Variants in TIGAR observed in about 807,000 individuals in gnomAD.
TIGAR encodes the protein TP53 induced glycolysis regulatory phosphatase, also known as fructose-2,6-bisphosphatase TIGAR.
TIGAR carries 7 observed loss-of-function variants against 17.9 expected under a neutral mutation model. That is an observed-to-expected ratio of 0.39 (90% CI 0.22 to 0.73). TIGAR has a LOEUF of 0.73. Among genes scored for constraint, TIGAR ranks in the 30% least tolerant of loss-of-function variants. The pLI, the probability that TIGAR is intolerant of heterozygous loss-of-function variation, is 0.42. For missense variants in TIGAR, 258 were observed against 327.4 expected (o/e 0.79, Z 1.64); for synonymous variants, 94 against 108.6 (o/e 0.87, Z 0.84).
At chr12:4,327,814 C>A (rs1864562946) in intron 1 of TIGAR, among the ~76,000 whole-genome samples, 1 of 151,956 alleles carries the variant, frequency 6.6e-6, no homozygotes, top group African/African-American at 2.4e-5. Context: ...ACTACAGGCA[C>A]ACACCACCAC....
chr12:4,333,450 T>C (rs1426677557), intron 2 of TIGAR, among the ~76,000 whole-genome samples: 2 of 151,382 alleles, frequency 1.3e-5, no homozygotes, highest in African/African-American at 4.9e-5. Context: ...GCACCACACC[T>C]GGCTCATTTT....
At chr12:4,348,027 T>G (rs954332587) in intron 3 of TIGAR, among the ~76,000 whole-genome samples, 1 of 152,016 alleles carries the variant, frequency 6.6e-6, no homozygotes, top group Non-Finnish European at 1.5e-5. Flanking sequence ...TCCCAGCTAC[T>G]TGGGAGGCTG....
chr12:4,350,776 CAAA>C (rs745374518), intron 4 of TIGAR, among the ~76,000 whole-genome samples: 13 of 89,224 alleles, frequency 1.5e-4, no homozygotes, highest in Admixed American at 8.6e-4. Flanking sequence ...GATTCCGTCT[CAAA>C]AAAAAAAAAA....
intron 2 of TIGAR, among the ~76,000 whole-genome samples, chr12:4,332,835 T>C (rs1157689462): frequency 1.3e-5 from 2 of 152,254 alleles, no homozygotes; most frequent in Non-Finnish European, 2.9e-5. Context: ...ATTTTGTTTT[T>C]CAAATCTTAC....
At chr12:4,341,872 C>G (rs1442072009) in intron 3 of TIGAR, among the ~76,000 whole-genome samples, 7 of 152,230 alleles carry the variant, frequency 4.6e-5, no homozygotes, top group Admixed American at 1.3e-4. Context: ...AGCAACGGAA[C>G]AAAGCTGGAC....
chr12:4,327,295 G>C (rs1243364523), intron 1 of TIGAR, among the ~76,000 whole-genome samples: 1 of 151,848 alleles, frequency 6.6e-6, no homozygotes, highest in African/African-American at 2.4e-5. Flanking sequence ...TGTAATCCCA[G>C]CTATTTGAGA....
intron 3 of TIGAR, among the ~76,000 whole-genome samples, chr12:4,347,291 A>C (rs939644082): frequency 2.0e-5 from 3 of 152,330 alleles, no homozygotes; most frequent in East Asian, 3.9e-4. Context: ...GAAGTAAGCC[A>C]GGCACAGAAA....
rs1665877373 is a variant in TIGAR, at chr12:4,331,163, G to A, written c.33-117G>A. ...TTTTACAGGTTGGATTATGAAGTGT[G>A]TTACAAGTTTCACATGATATTTTTA... On this transcript the variant is annotated intron_variant, in intron 1 of 5. Transcript: ENST00000179259. 6 of 883,084 alleles carry A rather than the reference G, an allele frequency of 6.8e-6. No homozygotes were observed. The Admixed American group carries it at 9.8e-5, about 14-fold the overall frequency. The allele number at this position is 883,084 out of a possible 1,614,324, so 54.7% of individuals were successfully genotyped here. A position where few individuals can be genotyped will look rare whatever the true frequency, so the allele number is the denominator to read the frequency against.
In TIGAR at chr12:4,358,082, T is replaced by G. The variant is rs1193967307; in HGVS notation, c.*5391T>G. Reference sequence around the variant, plus strand: ...TCGCGCCACTGCACTGCAGCCTGGGTGACAGAGCAAGACTGGGTCTCAAAA... The same window carrying G: ...TCGCGCCACTGCACTGCAGCCTGGGGGACAGAGCAAGACTGGGTCTCAAAA... On this transcript the variant is annotated 3_prime_UTR_variant, in exon 6 of 6. Transcript: ENST00000179259. 7.4e-6 allele frequency among the ~76,000 whole-genome samples: 1 copy of G among 134,464 alleles called. No homozygotes were observed. Among genetic ancestry groups the G allele is most frequent in the Admixed American group, 8.4e-5 (1 of 11,910 alleles). 88.2% of individuals were successfully genotyped at this position (134,464 alleles called of 152,430 possible). A position where few individuals can be genotyped will look rare whatever the true frequency, so the allele number is the denominator to read the frequency against.
At chr12:4,345,158 AAT>A (rs1405476339) in intron 3 of TIGAR, among the ~76,000 whole-genome samples, 1 of 152,236 alleles carries the variant, frequency 6.6e-6, no homozygotes, top group African/African-American at 2.4e-5. Flanking sequence ...AGGAAGAATC[AAT>A]ATCATGAAAA....
chr12:4,345,322 C>A (rs534472022), intron 3 of TIGAR, among the ~76,000 whole-genome samples: 5 of 152,160 alleles, frequency 3.3e-5, no homozygotes, highest in African/African-American at 1.2e-4. Flanking sequence ...GCCAAAAGAA[C>A]AAAGCTGGAG....
At position 4,352,833 on chromosome 12, in the gene TIGAR, A is replaced by T; in HGVS notation, c.*142A>T. 1.4e-6 allele frequency: 1 copy of T among 706,164 alleles called. No individual in the cohort carries two copies. The highest frequency in any genetic ancestry group is 2.3e-6 in the Non-Finnish European group (1 of 436,222). The allele number at this position is 706,164 out of a possible 1,614,324, so 43.7% of individuals were successfully genotyped here. On this transcript the variant is annotated 3_prime_UTR_variant, in exon 6 of 6. Transcript: ENST00000179259. Reference sequence around the variant, plus strand: ...GCTCCAGTGGAACCATAGCCACATAAAACTTTAATGGACAACCATATAGAA... The same window carrying T: ...GCTCCAGTGGAACCATAGCCACATATAACTTTAATGGACAACCATATAGAA...
intron 4 of TIGAR, among the ~76,000 whole-genome samples, chr12:4,350,115 T>C (rs1293846737): frequency 6.6e-6 from 1 of 152,198 alleles, no homozygotes; most frequent in Admixed American, 6.5e-5. Context: ...TAAAAGAAGG[T>C]ACGCTCATAA....
chr12:4,343,299 C>G (rs562654943), intron 3 of TIGAR, among the ~76,000 whole-genome samples: 3 of 152,172 alleles, frequency 2.0e-5, no homozygotes, highest in Admixed American at 6.5e-5. Context: ...AATTTAACAC[C>G]CCACTGTCAG....
At chr12:4,327,410 GAA>G (rs541221100) in intron 1 of TIGAR, among the ~76,000 whole-genome samples, 4 of 85,068 alleles carry the variant, frequency 4.7e-5, no homozygotes, top group Admixed American at 1.3e-4. Context: ...CCCCATCTCA[GAA>G]AAAAAAAAAA....
chr12:4,349,949 C>A, intron 4 of TIGAR, 53 bp downstream of exon 4: 1 of 1,269,112 alleles, frequency 7.9e-7, no homozygotes, highest in South Asian at 1.5e-5. Context: ...AGTAAGCCAC[C>A]TCAGTTTGTC....
At chr12:4,331,432 G>T in intron 2 of TIGAR, 115 bp downstream of exon 2, 1 of 944,698 alleles carries the variant, frequency 1.1e-6, no homozygotes, top group Non-Finnish European at 1.7e-6. Flanking sequence ...TGTGAATTGG[G>T]ATTACAGAAT....
chr12:4,349,244 G>T (rs1864812134), intron 3 of TIGAR, among the ~76,000 whole-genome samples: 2 of 152,180 alleles, frequency 1.3e-5, no homozygotes, highest in Admixed American at 1.3e-4. Context: ...TGAATGCTGT[G>T]GCTGTGTCCC....
At position 4,358,028 on chromosome 12, in the gene TIGAR, C is replaced by T. The variant is rs530889613; in HGVS notation, c.*5337C>T. 1.3e-5 allele frequency among the ~76,000 whole-genome samples: 2 copies of T among 149,004 alleles called. No homozygotes were observed. The highest frequency in any genetic ancestry group is 2.0e-4 in the East Asian group (1 of 5,064). On this transcript the variant is annotated 3_prime_UTR_variant, in exon 6 of 6. Transcript: ENST00000179259. ...CTGAGGCAGTAGAATGGCGTGAACC[C>T]GGGAGGTGGAGCTTGCAGTGAGCCA... is the stretch of plus-strand genomic sequence containing the variant.
Sources: gnomAD v4.1 joint callset for allele counts (sites outside exome capture counted in the v4.1 genomes callset) on GRCh38, gnomAD v4.1.1 for gene constraint, MANE v1.5 for transcripts, NCBI Gene and HGNC (gene_info 2026-07-23, HGNC 2026-07-21) for gene names.